Variants in UNC93A observed in about 807,000 individuals in gnomAD.
UNC93A encodes the protein N-acetylglucosamine transporter UNC93A.
A neutral mutation model predicts 47.5 loss-of-function variants in UNC93A; 43 were observed. The observed-to-expected ratio is 0.91, with a 90% CI of 0.71 to 1.17. UNC93A has a LOEUF of 1.17. UNC93A is among the 50% of genes most tolerant of loss of function. The pLI, the probability that UNC93A is intolerant of heterozygous loss-of-function variation, is 0.00. For missense variants in UNC93A, 605 were observed against 577.6 expected, an observed-to-expected ratio of 1.05 and a Z score of -0.49; for synonymous variants, 280 against 258.0, an observed-to-expected ratio of 1.09 and a Z score of -0.82.
chr6:167,314,279 C>T (rs573750779), intron 7 of UNC93A, among the ~76,000 whole-genome samples: 2 of 152,164 alleles, frequency 1.3e-5, no homozygotes, highest in South Asian at 2.1e-4. Flanking sequence ...AAATTAAATG[C>T]CATCCTCCCT....
intron 7 of UNC93A, among the ~76,000 whole-genome samples, chr6:167,313,665 A>G (rs1778615724): frequency 6.6e-6 from 1 of 152,164 alleles, no homozygotes; most frequent in South Asian, 2.1e-4. Context: ...TAGAATATTT[A>G]TAATCTGGGT....
intron 5 of UNC93A, among the ~76,000 whole-genome samples, chr6:167,304,950 T>A (rs971398079): frequency 2.0e-5 from 3 of 152,192 alleles, no homozygotes; most frequent in Non-Finnish European, 4.4e-5. Flanking sequence ...TCCTGCCACC[T>A]TCTCCCCTCA....
At chr6:167,291,102 G>A (rs1026391396), upstream of UNC93A, among the ~76,000 whole-genome samples, 1 of 152,092 alleles carries the variant, frequency 6.6e-6, no homozygotes, top group African/African-American at 2.4e-5. Context: ...ACTGTGGAAG[G>A]TTCTATTCTA....
chr6:167,309,094 G>A (rs1216385089), intron 7 of UNC93A, among the ~76,000 whole-genome samples: 3 of 152,062 alleles, frequency 2.0e-5, no homozygotes, highest in African/African-American at 4.8e-5. Context: ...GGACATGGCC[G>A]TTGCACCTGT....
chr6:167,300,426 G>T (rs1005967045), intron 4 of UNC93A, among the ~76,000 whole-genome samples: 4 of 152,162 alleles, frequency 2.6e-5, no homozygotes, highest in Middle Eastern at 3.2e-3. Flanking sequence ...TGGGGAGGGG[G>T]TTTGAGAGTG....
Position 167,298,008 on chromosome 6 carries a change from C to A in UNC93A, c.563C>A (p.Thr188Asn). Residue 188 changes from threonine to asparagine, a missense_variant, in exon 4 of 8, where the codon ACC becomes AAC. By Grantham distance (65) the Thr-to-Asn change is moderately conservative. Coordinates refer to ENST00000230256, the MANE Select transcript of UNC93A (RefSeq NM_018974.4). ...GASDCLMATT[T>N]TNSTQRPSQQ... ...AGTGACTGCCTGATGGCCACCACAA[C>A]CACCAACAGCACCCAGAGGCCCTCC... 6.2e-7 allele frequency: 1 copy of A among 1,614,146 alleles called. No individual in the cohort carries two copies. Among genetic ancestry groups the A allele is most frequent in the Non-Finnish European group, 8.5e-7 (1 of 1,180,036 alleles).
intron 4 of UNC93A, among the ~76,000 whole-genome samples, chr6:167,302,788 C>A (rs182261971): frequency 4.5e-4 from 69 of 152,230 alleles, no homozygotes; most frequent in Non-Finnish European, 8.5e-4. Context: ...TCCCCCTTGT[C>A]CCCATTTCAT....
intron 6 of UNC93A, 53 bp from the exon 7 acceptor site, chr6:167,307,726 C>T: frequency 6.4e-7 from 1 of 1,562,730 alleles, no homozygotes; most frequent in Non-Finnish European, 8.6e-7. Context: ...CAGGCCCCTC[C>T]AGGCCATGAT....
At chr6:167,309,616 A>T (rs1778502770) in intron 7 of UNC93A, among the ~76,000 whole-genome samples, 1 of 152,078 alleles carries the variant, frequency 6.6e-6, no homozygotes, top group African/African-American at 2.4e-5. Context: ...CCACAAACGA[A>T]CTACAGGCCA....
upstream of UNC93A, among the ~76,000 whole-genome samples, chr6:167,269,926 T>A (rs1408673337): frequency 1.3e-5 from 2 of 152,072 alleles, no homozygotes; most frequent in Admixed American, 1.3e-4. Context: ...ATAATGGCAC[T>A]TTTTCCTGCT....
intron 4 of UNC93A, among the ~76,000 whole-genome samples, chr6:167,300,210 G>A (rs1778204067): frequency 6.6e-6 from 1 of 152,216 alleles, no homozygotes; most frequent in Non-Finnish European, 1.5e-5. Flanking sequence ...AAGTGTGGAC[G>A]TGGAGGCATC....
At chr6:167,287,799 G>A (rs968005085), upstream of UNC93A, among the ~76,000 whole-genome samples, 2 of 152,168 alleles carry the variant, frequency 1.3e-5, no homozygotes, top group Non-Finnish European at 2.9e-5. Flanking sequence ...GGACCTACAC[G>A]ATCCCCCTGA....
rs761676954 is a variant in UNC93A at position 167,307,770 on chromosome 6, C to T, written c.977-9C>T. ...TCATCGCCTGGCGGTTTCCCCTCTG[C>T]ACCCCCAGGCGCGGTGACCCACGTG... On this transcript the variant is annotated splice_polypyrimidine_tract_variant and intron_variant, in intron 6 of 7. Transcript: ENST00000230256. 8 of 1,589,414 alleles carry T rather than the reference C, an allele frequency of 5.0e-6. No individual in the cohort carries two copies. Among genetic ancestry groups the T allele is most frequent in the Admixed American group, 1.7e-5 (1 of 58,076 alleles).
intron 1 of UNC93A, among the ~76,000 whole-genome samples, chr6:167,276,819 G>A (rs184042643): frequency 3.3e-5 from 5 of 152,180 alleles, no homozygotes; most frequent in African/African-American, 4.8e-5. Flanking sequence ...CCCGGGAGTC[G>A]TGGCCATCCC....
rs1276320242 is a variant in UNC93A at position 167,294,502 on chromosome 6, G to A, written c.88-15G>A. 1 of 1,613,474 alleles carries A rather than the reference G, an allele frequency of 6.2e-7. No individual in the cohort carries two copies. Among genetic ancestry groups the A allele is most frequent in the Non-Finnish European group, 8.5e-7 (1 of 1,179,770 alleles). ...TCCATCCTGTGCTCTGACAGGGCTG[G>A]CTTTGTTCCCACAGAGCAGCCTGTA... On this transcript the variant is annotated splice_polypyrimidine_tract_variant and intron_variant, in intron 1 of 7. Transcript: ENST00000230256.
chr6:167,284,609 G>A (rs995953474), intron 1 of UNC93A, among the ~76,000 whole-genome samples: 3 of 152,270 alleles, frequency 2.0e-5, no homozygotes, highest in Non-Finnish European at 4.4e-5. Context: ...CATGGCTTTC[G>A]GGCCACTGGA....
chr6:167,293,147 T>C (rs532786706), intron 1 of UNC93A, among the ~76,000 whole-genome samples: 2 of 152,226 alleles, frequency 1.3e-5, no homozygotes, highest in East Asian at 1.9e-4. Flanking sequence ...GGGTGCCTCA[T>C]TGGGGAATCA....
intron 1 of UNC93A, among the ~76,000 whole-genome samples, chr6:167,275,834 T>A (rs1022541080): frequency 1.3e-5 from 2 of 152,218 alleles, no homozygotes; most frequent in Non-Finnish European, 2.9e-5. Context: ...GGACCTGAGC[T>A]AATCTCTCTC....
At chr6:167,291,704 A>T in intron 1 of UNC93A, 128 bp downstream of exon 1, 1 of 834,122 alleles carries the variant, frequency 1.2e-6, no homozygotes, top group Non-Finnish European at 1.8e-6. Context: ...ACTCTGTACC[A>T]AATCCTCTAA....
Sources: allele counts gnomAD v4.1 joint callset (sites outside exome capture counted in the v4.1 genomes callset), GRCh38; gene constraint gnomAD v4.1.1; transcripts MANE v1.5; gene names NCBI Gene and HGNC (gene_info 2026-07-23, HGNC 2026-07-21).